Variants in ACTR10 observed in about 807,000 individuals in gnomAD.
ACTR10 encodes the protein actin related protein 10.
A neutral mutation model predicts 56.2 loss-of-function variants in ACTR10; 43 were observed. The ratio of observed to expected loss-of-function variants is 0.77; its 90% CI spans 0.60 to 0.99. The LOEUF is 0.99. Ranked by LOEUF, ACTR10 falls within the 50% of genes least tolerant of loss-of-function variation. The pLI, the probability that ACTR10 is intolerant of heterozygous loss-of-function variation, is 0.00. For synonymous variants in ACTR10, 170 were observed against 176.3 expected (o/e 0.96, Z 0.28); for missense variants, 466 against 507.8 (o/e 0.92, Z 0.79).
chr14:58,202,710 A>AT (rs962987311), intron 1 of ACTR10, 145 bp from the exon 2 acceptor site: 90 of 516,558 alleles, frequency 1.7e-4, no homozygotes, highest in Admixed American at 2.2e-4. Flanking sequence ...TTGTGGAGTG[A>AT]TTTTTTTTGA....
At position 58,215,193 on chromosome 14, in the gene ACTR10, T is replaced by TG; in HGVS notation, c.519-12_519-11insG. ...TATTTTCATTCCAGTAACTTTTTTT[T>TG]TTTAATTTCAGAGAGTTGGAAACTC... is the stretch of plus-strand genomic sequence containing the variant. On this transcript the variant is annotated splice_polypyrimidine_tract_variant and intron_variant, in intron 6 of 12. Transcript: ENST00000254286. The TG allele has an allele frequency of 6.4e-7, 1 of 1,553,550 alleles. No homozygotes were observed. The highest frequency in any genetic ancestry group is 8.7e-7 in the Non-Finnish European group (1 of 1,144,374).
chr14:58,232,911 G>T lies in ACTR10; in HGVS notation c.1072+644G>T, dbSNP rs28697080. Reference sequence around the variant, plus strand: ...TTGAGACGTTTCATCTTTGTTGCCCGTCCAGCTGGAGTGCTATAGCGTGAT... The same window carrying T: ...TTGAGACGTTTCATCTTTGTTGCCCTTCCAGCTGGAGTGCTATAGCGTGAT... On this transcript the variant is annotated intron_variant, in intron 12 of 12. Transcript: ENST00000254286. 1.4e-3 allele frequency among the ~76,000 whole-genome samples: 196 copies of T among 142,430 alleles called. 3 individuals are homozygous for T. The highest frequency in any genetic ancestry group is 4.4e-3 in the African/African-American group (169 of 38,388). The allele number at this position is 142,430 out of a possible 152,430, so 93.4% of individuals were successfully genotyped here. A position where few individuals can be genotyped will look rare whatever the true frequency, so the allele number is the denominator to read the frequency against.
intron 8 of ACTR10, 26 bp downstream of exon 8, chr14:58,219,755 CT>C: frequency 6.8e-7 from 1 of 1,479,926 alleles, no homozygotes; most frequent in East Asian, 2.5e-5. Flanking sequence ...ATTTTTGTCC[CT>C]TTCATCCTTA....
At position 58,207,987 on chromosome 14, in the gene ACTR10, C is replaced by G; in HGVS notation, c.202C>G (p.Leu68Val). ...NINTEELYSY[L>V]KEFIHILYFR... ...CAATACAGAAGAATTATATTCCTAC[C>G]TAAAGGAATTCATCCACATACTATA... is the stretch of plus-strand genomic sequence containing the variant. The change falls in exon 3 of 13, where the codon CTA (leucine) becomes GTA (valine). Residue 68 changes from leucine to valine, a missense_variant. Transcript: ENST00000254286. The G allele has an allele frequency of 6.6e-7, 1 of 1,509,278 alleles. No homozygotes were observed. The highest frequency in any genetic ancestry group is 8.8e-7 in the Non-Finnish European group (1 of 1,137,584). The allele number at this position is 1,509,278 out of a possible 1,614,324, so 93.5% of individuals were successfully genotyped here.
Position 58,232,280 on chromosome 14 carries a change from C to A in ACTR10, c.1072+13C>A. 1.2e-5 allele frequency: 19 copies of A among 1,600,804 alleles called. No individual in the cohort carries two copies. The highest frequency in any genetic ancestry group is 1.6e-5 in the Non-Finnish European group (19 of 1,171,412). On this transcript the variant is annotated intron_variant, in intron 12 of 12. Coordinates refer to ENST00000254286, the MANE Select transcript of ACTR10 (RefSeq NM_018477.3). Reference sequence around the variant, plus strand: ...GCCTGGTTGGGAGGTAAGAATTTCACTTTTAAAATATAATGATTATATAGT... The same window carrying A: ...GCCTGGTTGGGAGGTAAGAATTTCAATTTTAAAATATAATGATTATATAGT...
intron 10 of ACTR10, among the ~76,000 whole-genome samples, chr14:58,229,400 C>G (rs1396516777): frequency 1.3e-5 from 2 of 152,166 alleles, no homozygotes; most frequent in East Asian, 3.9e-4. Context: ...ATTTTGGGGC[C>G]GGGCGCAGTG....
At chr14:58,204,817 GTTATACTTCCATTATAATTA>G (rs1594803003) in intron 2 of ACTR10, among the ~76,000 whole-genome samples, 1 of 152,142 alleles carries the variant, frequency 6.6e-6, no homozygotes, top group African/African-American at 2.4e-5. Context: ...CTTGATGAAA[GTTATACTTCCATTATAATTA>G]TAGCTTGTCT....
In ACTR10 at chr14:58,202,887, G is replaced by A. The variant is rs1320026758; in HGVS notation, c.110G>A (p.Cys37Tyr). 3 of 1,608,288 alleles carry A rather than the reference G, an allele frequency of 1.9e-6. No homozygotes were observed. The highest frequency in any genetic ancestry group is 1.1e-5 in the South Asian group (1 of 89,912). Residue 37 changes from cysteine to tyrosine, a missense_variant, in exon 2 of 13, where the codon TGT becomes TAT. By Grantham distance (194) the Cys-to-Tyr change is radical. Transcript: ENST00000254286. ...TTTGCTGGAGAAACTGGTCCAAGAT[G>A]TATAATTCCTAGTGTGATAAAAAGA... Reference protein sequence around the residue: ...CGFAGETGPRCIIPSVIKRAG... With the variant: ...CGFAGETGPRYIIPSVIKRAG...
chr14:58,202,483 CT>C (rs1456505491), intron 1 of ACTR10, among the ~76,000 whole-genome samples: 1 of 151,476 alleles, frequency 6.6e-6, no homozygotes, highest in Non-Finnish European at 1.5e-5. Flanking sequence ...ACTCAGGAGC[CT>C]GAGGCAGGAG....
intron 8 of ACTR10, 83 bp from the exon 9 acceptor site, chr14:58,223,539 A>G (rs1272044949): frequency 9.6e-7 from 1 of 1,042,660 alleles, no homozygotes; most frequent in East Asian, 2.5e-5. Flanking sequence ...TCACTTGAAT[A>G]GAATTGTTTT....
chr14:58,214,692 T>C (rs918215736), intron 6 of ACTR10, among the ~76,000 whole-genome samples: 2 of 149,524 alleles, frequency 1.3e-5, no homozygotes, highest in African/African-American at 4.9e-5. Context: ...AGTTTTGCCA[T>C]GTTGGCCAGG....
At chr14:58,209,484 A>G (rs1286948713) in intron 4 of ACTR10, among the ~76,000 whole-genome samples, 1 of 151,814 alleles carries the variant, frequency 6.6e-6, no homozygotes, top group Admixed American at 6.6e-5. Context: ...TGTGCTGTGG[A>G]CTTTGCAATG....
intron 4 of ACTR10, among the ~76,000 whole-genome samples, chr14:58,210,737 C>T (rs937171853): frequency 2.0e-5 from 3 of 149,748 alleles, no homozygotes; most frequent in African/African-American, 4.9e-5. Context: ...TGCAATGGCG[C>T]GATCTCGGCT....
At chr14:58,205,208 CG>C (rs1888826002) in intron 2 of ACTR10, among the ~76,000 whole-genome samples, 1 of 149,706 alleles carries the variant, frequency 6.7e-6, no homozygotes, top group Non-Finnish European at 1.5e-5. Flanking sequence ...GCAACAAGAG[CG>C]AAACTCCATC....
At chr14:58,214,869 G>A (rs1889094965) in intron 6 of ACTR10, among the ~76,000 whole-genome samples, 1 of 150,340 alleles carries the variant, frequency 6.7e-6, no homozygotes, top group African/African-American at 2.4e-5. Flanking sequence ...ACTCTGGGAG[G>A]CCAAGGCAGA....
chr14:58,232,369 G>T, intron 12 of ACTR10, 102 bp downstream of exon 12: 2 of 651,754 alleles, frequency 3.1e-6, no homozygotes, highest in Non-Finnish European at 4.7e-6. Context: ...GTTCAGAATT[G>T]CCCACTTTAT....
Position 58,234,503 on chromosome 14 carries a change from G to A in ACTR10, c.1206G>A (p.Gly402=), listed in dbSNP as rs1889627202. 2.5e-6 allele frequency: 4 copies of A among 1,613,578 alleles called. No homozygotes were observed. The highest frequency in any genetic ancestry group is 1.3e-5 in the African/African-American group (1 of 74,896). ...NPPLEMMFDV[G]KTQPPLMKRA... ...CTTTGGAAATGATGTTTGATGTCGG[G>A]AAAACTCAACCACCTCTGATGAAGA... The change falls in exon 13 of 13, where the codon GGG becomes GGA. Residue 402 remains glycine, a synonymous_variant. Transcript: ENST00000254286.
intron 5 of ACTR10, 117 bp from the exon 6 acceptor site, chr14:58,213,514 A>G (rs996940242): frequency 3.9e-6 from 2 of 516,224 alleles, no homozygotes; most frequent in Non-Finnish European, 6.4e-6. Context: ...TGTTAAAAAT[A>G]AGAAATAAAA....
intron 5 of ACTR10, 49 bp from the exon 6 acceptor site, chr14:58,213,582 A>G: frequency 1.5e-6 from 2 of 1,350,292 alleles, no homozygotes; most frequent in Non-Finnish European, 2.0e-6. Flanking sequence ...AATATCAAGG[A>G]AACCACATTT....
Sources: allele counts gnomAD v4.1 joint callset (sites outside exome capture counted in the v4.1 genomes callset), GRCh38; gene constraint gnomAD v4.1.1; transcripts MANE v1.5; gene names NCBI Gene and HGNC (gene_info 2026-07-23, HGNC 2026-07-21).